Variants in SLC2A1 observed in about 807,000 individuals in gnomAD.
SLC2A1 encodes solute carrier family 2, facilitated glucose transporter member 1.
SLC2A1 carries 4 observed loss-of-function variants against 46.6 expected under a neutral mutation model. That is an observed-to-expected ratio of 0.09 (90% CI 0.04 to 0.20). The LOEUF is 0.20. Ranked by LOEUF, SLC2A1 falls within the 10% of genes least tolerant of loss-of-function variation. The pLI is 1.00. For synonymous variants in SLC2A1, 253 were observed against 270.0 expected (o/e 0.94, Z 0.62); for missense variants, 352 against 667.0 (o/e 0.53, Z 5.20).
chr1:42,935,873 AT>A (rs767170904), intron 2 of SLC2A1, among the ~76,000 whole-genome samples: 3 of 152,212 alleles, frequency 2.0e-5, no homozygotes, highest in Non-Finnish European at 4.4e-5. Context: ...TAAACATTTT[AT>A]GTAAAAGGCT....
At chr1:42,937,708 G>A (rs1214611940) in intron 2 of SLC2A1, among the ~76,000 whole-genome samples, 3 of 152,212 alleles carry the variant, frequency 2.0e-5, no homozygotes. Context: ...ACTATTTCTA[G>A]AGTATGTATA....
In SLC2A1 at chr1:42,954,474, G is replaced by A. The variant is rs1193502927; in HGVS notation, c.18+4160C>T. 6.6e-6 allele frequency among the ~76,000 whole-genome samples: 1 copy of A among 152,236 alleles called. No individual in the cohort carries two copies. The highest frequency in any genetic ancestry group is 1.5e-5 in the Non-Finnish European group (1 of 68,044). ...TGGGAGGCGAAGGTTGTGGTGAGCT[G>A]AGATTGTGTCATGGCACTCCAGCCT... On this transcript the variant is annotated intron_variant, in intron 1 of 9. Coordinates refer to ENST00000426263, the MANE Select transcript of SLC2A1 (RefSeq NM_006516.4). The surrounding 1 kb of genome is among the most constrained non-coding windows in gnomAD (Gnocchi z 4.2).
intron 1 of SLC2A1, chr1:42,952,000 C>T: frequency 2.4e-6 from 1 of 411,542 alleles, no homozygotes; most frequent in Non-Finnish European, 4.3e-6. Flanking sequence ...GAGGGGGCAT[C>T]CTCACTGGTC....
At chr1:42,956,560 G>A (rs1643778846) in intron 1 of SLC2A1, among the ~76,000 whole-genome samples, 2 of 151,856 alleles carry the variant, frequency 1.3e-5, no homozygotes, top group African/African-American at 4.8e-5. Context: ...ACTCCAGCCT[G>A]GGCAACAAAA....
intron 1 of SLC2A1, among the ~76,000 whole-genome samples, chr1:42,943,564 C>T (rs1480264907): frequency 6.6e-6 from 1 of 152,084 alleles, no homozygotes; most frequent in Non-Finnish European, 1.5e-5. Flanking sequence ...GATCTTCTCT[C>T]TCTGTAGCCA....
At chr1:42,952,470 A>C (rs1020461706) in intron 1 of SLC2A1, 1 of 455,176 alleles carries the variant, frequency 2.2e-6, no homozygotes, top group Non-Finnish European at 4.4e-6. Flanking sequence ...GATGCCAGCC[A>C]TGACCGCTGG....
chr1:42,930,045 G>A lies in SLC2A1; in HGVS notation c.517-10C>T, dbSNP rs200077552. 5 of 1,613,780 alleles carry A rather than the reference G, an allele frequency of 3.1e-6. No homozygotes were observed. The highest frequency in any genetic ancestry group is 1.1e-5 in the South Asian group (1 of 91,064). ...AGTCCAGGCCGAACACCTGGGGGAA[G>A]CAGGGGCCGTGAGCGCCTCTGCCCT... On this transcript the variant is annotated splice_polypyrimidine_tract_variant and intron_variant, in intron 4 of 9. Transcript: ENST00000426263. The surrounding 1 kb of genome is among the most constrained non-coding windows in gnomAD (Gnocchi z 6.2).
rs1166067644 is a variant in SLC2A1, at chr1:42,945,738, C to CA, written c.19-2418dup. The stretch of plus-strand genomic sequence containing the variant: ...CTGGGCGACAGAGCAGACTCTGTCT[C>CA]AAAAAAAAAAAAAAACAAAAAACAA... On this transcript the variant is annotated intron_variant, in intron 1 of 9. Coordinates refer to ENST00000426263, the MANE Select transcript of SLC2A1 (RefSeq NM_006516.4). 3.2e-3 allele frequency among the ~76,000 whole-genome samples: 372 copies of CA among 115,322 alleles called. 4 individuals are homozygous for CA. Among genetic ancestry groups the CA allele is most frequent in the Middle Eastern group, 0.013 (3 of 226 alleles). 75.7% of individuals were successfully genotyped at this position (115,322 alleles called of 152,430 possible).
At chr1:42,935,069 C>T (rs936962032) in intron 2 of SLC2A1, among the ~76,000 whole-genome samples, 5 of 152,116 alleles carry the variant, frequency 3.3e-5, no homozygotes, top group Non-Finnish European at 7.4e-5. Flanking sequence ...GCTGTGGAGT[C>T]TGGGTGGCGG....
At chr1:42,943,376 G>C in intron 1 of SLC2A1, 55 bp from the exon 2 acceptor site, 1 of 1,315,698 alleles carries the variant, frequency 7.6e-7, no homozygotes, top group South Asian at 1.2e-5. Context: ...GGTTACTACA[G>C]GGCAGGGCCT....
chr1:42,927,019 C>A lies in SLC2A1; in HGVS notation c.*22G>T. ...ATCCTTAGGGCTGCTGGGAGCAGGC[C>A]GGGCTGGTGATCTGGGGCGACTCAC... On this transcript the variant is annotated 3_prime_UTR_variant, in exon 10 of 10. Coordinates refer to ENST00000426263, the MANE Select transcript of SLC2A1 (RefSeq NM_006516.4). The surrounding 1 kb of genome is among the most constrained non-coding windows in gnomAD (Gnocchi z 5.3). 1 of 1,611,682 alleles carries A rather than the reference C, an allele frequency of 6.2e-7. No individual in the cohort carries two copies. The highest frequency in any genetic ancestry group is 1.1e-5 in the South Asian group (1 of 91,026).
chr1:42,939,473 C>T (rs1274021807), intron 2 of SLC2A1, among the ~76,000 whole-genome samples: 1 of 152,228 alleles, frequency 6.6e-6, no homozygotes, highest in Non-Finnish European at 1.5e-5. Context: ...ATACATGGTC[C>T]TATGAATGCA....
intron 1 of SLC2A1, among the ~76,000 whole-genome samples, chr1:42,948,823 T>C (rs1643687803): frequency 6.6e-6 from 1 of 151,834 alleles, no homozygotes; most frequent in South Asian, 2.1e-4. Context: ...CCCAGCACTT[T>C]GGGAGGCAAG....
In SLC2A1 at chr1:42,929,358, G is replaced by A. The variant is rs903898556; in HGVS notation, c.868-44C>T. ...TGTTGGGGCCTACCTGGACATTGTG[G>A]CCCTTCCCTGCCTCTGTAGCAGTGG... On this transcript the variant is annotated intron_variant, in intron 6 of 9. Coordinates refer to ENST00000426263, the MANE Select transcript of SLC2A1 (RefSeq NM_006516.4). The surrounding 1 kb of genome is among the most constrained non-coding windows in gnomAD (Gnocchi z 6.0). 1 of 1,462,144 alleles carries A rather than the reference G, an allele frequency of 6.8e-7. No individual in the cohort carries two copies. The highest frequency in any genetic ancestry group is 9.5e-7 in the Non-Finnish European group (1 of 1,057,836). The allele number at this position is 1,462,144 out of a possible 1,614,324, so 90.6% of individuals were successfully genotyped here.
Position 42,950,971 on chromosome 1 carries a change from G to A in SLC2A1, c.19-7650C>T, listed in dbSNP as rs577155164. On this transcript the variant is annotated intron_variant, in intron 1 of 9. Coordinates refer to ENST00000426263, the MANE Select transcript of SLC2A1 (RefSeq NM_006516.4). ...GCTTGGGCAACAAGAGTGAAACTCCGTCTCAAAAAAAAGTCTCTTCCTCTA... is the reference window on the plus strand; with the variant it reads ...GCTTGGGCAACAAGAGTGAAACTCCATCTCAAAAAAAAGTCTCTTCCTCTA... Among the ~76,000 whole-genome samples the A allele has an allele frequency of 2.6e-5, 4 of 152,150 alleles. No homozygotes were observed. In the East Asian group the frequency reaches 5.8e-4, roughly 22 times the overall value.
Position 42,929,595 on chromosome 1 carries a change from C to T in SLC2A1, c.865G>A (p.Ala289Thr), listed in dbSNP as rs796053252. The T allele has an allele frequency of 2.5e-6, 4 of 1,612,162 alleles. No homozygotes were observed. The highest frequency in any genetic ancestry group is 2.7e-5 in the African/African-American group (2 of 74,904). The change falls in exon 6 of 10, where the codon GCT becomes ACT. Residue 289 changes from alanine to threonine, a missense_variant and splice_region_variant. Transcript: ENST00000426263. The surrounding 1 kb of genome is among the most constrained non-coding windows in gnomAD (Gnocchi z 6.0). ...QLSQQLSGIN[A>T]VFYYSTSIFE... The stretch of plus-strand genomic sequence containing the variant: ...GAAGGGTGGGTGGGGGCACTCACAG[C>T]GTTGATGCCAGACAGCTGCTGGGAC...
intron 2 of SLC2A1, among the ~76,000 whole-genome samples, chr1:42,935,393 T>G (rs1643532383): frequency 6.6e-6 from 1 of 152,122 alleles, no homozygotes; most frequent in Non-Finnish European, 1.5e-5. Flanking sequence ...GAGGCAACTG[T>G]GGGTGAGACT....
intron 1 of SLC2A1, among the ~76,000 whole-genome samples, chr1:42,958,155 G>C (rs1332137216): frequency 6.6e-6 from 1 of 152,092 alleles, no homozygotes; most frequent in African/African-American, 2.4e-5. Flanking sequence ...AGCAGACGGA[G>C]AGCGGGGGCG....
intron 1 of SLC2A1, chr1:42,952,303 C>T: frequency 2.2e-6 from 1 of 449,442 alleles, no homozygotes; most frequent in Non-Finnish European, 4.5e-6. Flanking sequence ...CTAGGCAGCA[C>T]TGTGTCCCCC....
Sources: allele counts gnomAD v4.1 joint callset (sites outside exome capture counted in the v4.1 genomes callset), GRCh38; gene constraint gnomAD v4.1.1; non-coding constraint Gnocchi (gnomAD v3.1); transcripts MANE v1.5; gene names NCBI Gene and HGNC (gene_info 2026-07-23, HGNC 2026-07-21).